OPN3: variants seen among roughly 807,000 people sequenced by gnomAD.
The protein encoded by OPN3 is opsin-3.
Under a neutral mutation model 33.8 loss-of-function variants are expected in OPN3, and 29 were observed. That is an observed-to-expected ratio of 0.86 (90% CI 0.64 to 1.17). The LOEUF (loss-of-function observed/expected upper bound fraction) is 1.17, where lower values mean the gene tolerates loss of function less well. Among genes scored for constraint, OPN3 ranks in the 50% most tolerant of loss-of-function variants. OPN3 has a pLI of 0.00. For synonymous variants in OPN3, 216 were observed against 216.1 expected (o/e 1.00, Z 0.00); for missense variants, 437 against 514.1 (o/e 0.85, Z 1.45).
intron 1 of OPN3, among the ~76,000 whole-genome samples, chr1:241,619,590 T>A (rs928240280): frequency 2.0e-5 from 3 of 152,318 alleles, no homozygotes; most frequent in African/African-American, 7.2e-5. Context: ...TGAAAAGCTC[T>A]TGAAAATCTA....
chr1:241,634,212 T>G, intron 1 of OPN3: 1 of 1,614,020 alleles, frequency 6.2e-7, no homozygotes, highest in Non-Finnish European at 8.5e-7. Flanking sequence ...AAGTCTTCTC[T>G]TGCTGTTTTA....
At chr1:241,627,304 AC>A (rs11299567) in intron 1 of OPN3, among the ~76,000 whole-genome samples, 80,528 of 151,932 alleles carry the variant, frequency 0.53, 22,240 homozygotes, top group East Asian at 0.71. Context: ...TCCAGAAGCC[AC>A]CACTTTTTAA....
At position 241,604,481 on chromosome 1, in the gene OPN3, T is replaced by G; in HGVS notation, c.472A>C (p.Ile158Leu). 6.2e-7 allele frequency: 1 copy of G among 1,614,092 alleles called. No individual in the cohort carries two copies. The highest frequency in any genetic ancestry group is 8.5e-7 in the Non-Finnish European group (1 of 1,180,008). ...AGTGAGTAGAGCCAGATGTAGGTAA[T>G]GGCCCTCCAGGCCCAGGAAAAATTG... is the stretch of plus-strand genomic sequence containing the variant. Reference protein sequence around the residue: ...VINFSWAWRAITYIWLYSLAW... With the variant: ...VINFSWAWRALTYIWLYSLAW... The change falls in exon 2 of 4, where the codon ATT (isoleucine) becomes CTT (leucine). Residue 158 changes from isoleucine (I) to leucine (L), a missense_variant. Transcript: ENST00000366554.
intron 1 of OPN3, among the ~76,000 whole-genome samples, chr1:241,628,627 T>C (rs1004526115): frequency 1.3e-5 from 2 of 152,186 alleles, no homozygotes; most frequent in African/African-American, 4.8e-5. Context: ...TGTCCTAGAA[T>C]GTATTACTAA....
chr1:241,617,520 AT>A (rs1409351191), intron 1 of OPN3, among the ~76,000 whole-genome samples: 4 of 152,218 alleles, frequency 2.6e-5, no homozygotes, highest in African/African-American at 9.6e-5. Context: ...ATCATTTATA[AT>A]TTACAAAGCT....
intron 1 of OPN3, chr1:241,630,737 C>A (rs944877194): frequency 6.6e-6 from 1 of 151,846 alleles, no homozygotes; most frequent in African/African-American, 2.4e-5. Flanking sequence ...TAACAGACTC[C>A]GAGAAGTCTA....
rs1663761765 is a variant in OPN3 at position 241,604,336 on chromosome 1, A to T, written c.617T>A (p.Leu206Ter). 2 of 1,614,112 alleles carry T rather than the reference A, an allele frequency of 1.2e-6. No individual in the cohort carries two copies. The highest frequency in any genetic ancestry group is 1.3e-5 in the African/African-American group (1 of 74,940). Residue 206 changes from leucine (L) to a stop codon, truncating the protein, a stop_gained, in exon 2 of 4, where the codon TTA becomes TAA. Coordinates refer to ENST00000366554, the MANE Select transcript of OPN3 (RefSeq NM_014322.3). LOFTEE classifies it high-confidence loss of function. ...GGGCACCACCAGGCAGCCAAGAAAT[A>T]AGAAAAGCACAAAGGAGGAATCGTT... The part of the protein sequence containing the change: ...DANDSSFVLF[L>*]FLGCLVVPLG...
intron 1 of OPN3, among the ~76,000 whole-genome samples, chr1:241,628,574 T>C (rs1664491617): frequency 6.6e-6 from 1 of 152,174 alleles, no homozygotes; most frequent in Admixed American, 6.5e-5. Context: ...CATGTTTGCA[T>C]TTAGGGGCAT....
chr1:241,595,074 C>A (rs1663460334), intron 3 of OPN3: 1 of 161,776 alleles, frequency 6.2e-6, no homozygotes. Context: ...TTACTATAAG[C>A]ATCAAAAACA....
rs1663454143 is a variant in OPN3, at chr1:241,594,928, C to A, written c.946-237G>T. The A allele has an allele frequency of 8.8e-6, 4 of 456,926 alleles. No individual in the cohort carries two copies. In the East Asian group the frequency reaches 1.1e-4, roughly 13 times the overall value. The allele number at this position is 456,926 out of a possible 1,614,324, so 28.3% of individuals were successfully genotyped here. ...TAGGACCATTTCAATACCTTGTAAT[C>A]CTCCAAGCTTCAATCTGCACACACT... On this transcript the variant is annotated intron_variant, in intron 3 of 3. Coordinates refer to ENST00000366554, the MANE Select transcript of OPN3 (RefSeq NM_014322.3).
At chr1:241,616,644 T>G (rs1664140566) in intron 1 of OPN3, among the ~76,000 whole-genome samples, 1 of 151,928 alleles carries the variant, frequency 6.6e-6, no homozygotes, top group African/African-American at 2.4e-5. Flanking sequence ...CTGATAAAAG[T>G]TATATACACA....
intron 3 of OPN3, among the ~76,000 whole-genome samples, chr1:241,595,835 A>G (rs1294464058): frequency 1.3e-5 from 2 of 152,256 alleles, no homozygotes; most frequent in African/African-American, 4.8e-5. Flanking sequence ...TTATTCACTA[A>G]ACCATTGTTT....
At chr1:241,633,180 A>T (rs1385829611) in intron 1 of OPN3, 1 of 152,426 alleles carries the variant, frequency 6.6e-6, no homozygotes, top group Non-Finnish European at 1.5e-5. Flanking sequence ...TACAAGGGTC[A>T]AGTGAGTATT....
At chr1:241,601,257 CAGTGGAACTTCTGA>C (rs1233516418) in intron 2 of OPN3, 1 of 152,022 alleles carries the variant, frequency 6.6e-6, no homozygotes, top group Non-Finnish European at 1.5e-5. Flanking sequence ...GTCACAAAGA[CAGTGGAACTTCTGA>C]AGGTAATACT....
At chr1:241,607,577 A>C (rs1408905941) in intron 1 of OPN3, among the ~76,000 whole-genome samples, 2 of 118,466 alleles carry the variant, frequency 1.7e-5, no homozygotes, top group Non-Finnish European at 3.6e-5. Context: ...GAAAGAAAGA[A>C]AAGAAAGAAA....
chr1:241,640,368 C>G lies in OPN3; in HGVS notation c.-114G>C. 4.9e-6 allele frequency: 5 copies of G among 1,012,582 alleles called. No homozygotes were observed. Among genetic ancestry groups the G allele is most frequent in the Non-Finnish European group, 5.9e-6 (5 of 840,768 alleles). The allele number at this position is 1,012,582 out of a possible 1,614,324, so 62.7% of individuals were successfully genotyped here. On this transcript the variant is annotated 5_prime_UTR_variant, in exon 1 of 4. Coordinates refer to ENST00000366554, the MANE Select transcript of OPN3 (RefSeq NM_014322.3). ...CGCCGCCTGCTCTAGCCATTGTGCA[C>G]TGAGGGGCCCGCGCTACCGCGCGCC...
chr1:241,607,884 A>G (rs183772393), intron 1 of OPN3, among the ~76,000 whole-genome samples: 65 of 152,324 alleles, frequency 4.3e-4, no homozygotes, highest in African/African-American at 1.3e-3. Context: ...GATTATTGGG[A>G]CAATGAAAGT....
Position 241,625,558 on chromosome 1 carries a change from G to A in OPN3, c.373+14324C>T, listed in dbSNP as rs1664396690. The stretch of plus-strand genomic sequence containing the variant: ...AATTTCAAACCTATACCAAACTGGG[G>A]CAGGATGAAAAATATTCTCTCATAT... On this transcript the variant is annotated intron_variant, in intron 1 of 3. Coordinates refer to ENST00000366554, the MANE Select transcript of OPN3 (RefSeq NM_014322.3). Among the ~76,000 whole-genome samples, 3 of 152,248 alleles carry A rather than the reference G, an allele frequency of 2.0e-5. No individual in the cohort carries two copies. The South Asian group carries it at 6.2e-4, about 32-fold the overall frequency.
intron 1 of OPN3, among the ~76,000 whole-genome samples, chr1:241,636,676 TGAG>T (rs1664910702): frequency 1.3e-5 from 2 of 152,158 alleles, no homozygotes. Context: ...ATAATAGCCC[TGAG>T]GAGGAAAATG....
Sources: allele counts gnomAD v4.1 joint callset (sites outside exome capture counted in the v4.1 genomes callset), GRCh38; gene constraint gnomAD v4.1.1; transcripts MANE v1.5; gene names NCBI Gene and HGNC (gene_info 2026-07-23, HGNC 2026-07-21).